UQCC1: variants seen among roughly 807,000 people sequenced by gnomAD.
The protein encoded by UQCC1 is ubiquinol-cytochrome c reductase complex assembly factor 1.
UQCC1 carries 38 observed loss-of-function variants against 48.0 expected under a neutral mutation model. The ratio of observed to expected loss-of-function variants is 0.79; its 90% CI spans 0.61 to 1.04. UQCC1 has a LOEUF of 1.04. Ranked by LOEUF, UQCC1 falls within the 50% of genes least tolerant of loss-of-function variation. The pLI is 0.00. For missense variants in UQCC1, 368 were observed against 381.8 expected, an observed-to-expected ratio of 0.96 and a Z score of 0.30; for synonymous variants, 111 against 129.2, an observed-to-expected ratio of 0.86 and a Z score of 0.95.
chr20:35,328,660 G>C (rs942292649), intron 7 of UQCC1, among the ~76,000 whole-genome samples: 3 of 152,162 alleles, frequency 2.0e-5, no homozygotes, highest in Non-Finnish European at 4.4e-5. Context: ...GCATTGGAAA[G>C]GAGGTTATAA....
chr20:35,403,218 A>G (rs112254315), intron 1 of UQCC1, among the ~76,000 whole-genome samples: 91 of 152,306 alleles, frequency 6.0e-4, no homozygotes, highest in African/African-American at 2.0e-3. Flanking sequence ...TCTATCAGAG[A>G]AAGGAGTTAA....
chr20:35,316,032 T>C (rs17092539), intron 7 of UQCC1, among the ~76,000 whole-genome samples: 6,587 of 152,188 alleles, frequency 0.043, 470 homozygotes, highest in African/African-American at 0.15. Context: ...ATGCCTTCAA[T>C]AGGGTACAAC....
At chr20:35,372,200 TACTTGG>T (rs2061741040) in intron 5 of UQCC1, among the ~76,000 whole-genome samples, 1 of 151,038 alleles carries the variant, frequency 6.6e-6, no homozygotes, top group Non-Finnish European at 1.5e-5. Context: ...TAATCCCAGC[TACTTGG>T]GAGGCTGAGG....
chr20:35,379,892 C>T (rs1568694453), intron 4 of UQCC1, among the ~76,000 whole-genome samples: 1 of 152,132 alleles, frequency 6.6e-6, no homozygotes, highest in East Asian at 1.9e-4. Flanking sequence ...AAAATGCAAA[C>T]ATTAGGGATT....
intron 7 of UQCC1, among the ~76,000 whole-genome samples, chr20:35,325,567 G>A (rs902327680): frequency 6.6e-6 from 1 of 152,178 alleles, no homozygotes; most frequent in African/African-American, 2.4e-5. Context: ...TGATAAGCAC[G>A]TATTGAGTAA....
chr20:35,374,225 G>A lies in UQCC1; in HGVS notation c.365C>T (p.Thr122Ile), dbSNP rs561245696. The A allele has an allele frequency of 5.4e-5, 87 of 1,613,102 alleles. No individual in the cohort carries two copies. The South Asian group carries it at 9.5e-4, about 18-fold the overall frequency. ...GAAGTCAGTTTTCTCCACACAGCTA[G>A]TATACATGCGCAGGGCCGCAATCTT... is the stretch of plus-strand genomic sequence containing the variant. Reference protein sequence around the residue: ...KIKIAALRMYTSCVEKTDFEE... With the variant: ...KIKIAALRMYISCVEKTDFEE... Residue 122 changes from threonine to isoleucine, a missense_variant, in exon 5 of 10, where the codon ACT becomes ATT. Transcript: ENST00000374385.
At chr20:35,338,801 C>T (rs1600900219) in intron 7 of UQCC1, among the ~76,000 whole-genome samples, 2 of 131,934 alleles carry the variant, frequency 1.5e-5, no homozygotes, top group East Asian at 2.4e-4. Flanking sequence ...GCTGAGACCA[C>T]ACCACACAAC....
chr20:35,404,383 A>C (rs1233021923), intron 1 of UQCC1, among the ~76,000 whole-genome samples: 3 of 112,238 alleles, frequency 2.7e-5, no homozygotes, highest in Non-Finnish European at 6.0e-5. Flanking sequence ...AAAAAAAAAA[A>C]AACAAAATTA....
At chr20:35,328,558 A>G (rs981336575) in intron 7 of UQCC1, among the ~76,000 whole-genome samples, 1 of 152,186 alleles carries the variant, frequency 6.6e-6, no homozygotes, top group Non-Finnish European at 1.5e-5. Context: ...GGAAACAGGC[A>G]TAGAGACCTT....
intron 8 of UQCC1, chr20:35,307,111 G>A: frequency 2.6e-6 from 1 of 390,778 alleles, no homozygotes. Flanking sequence ...AGAAACAGTA[G>A]CAGCAATGCT....
chr20:35,392,305 G>C lies in UQCC1; in HGVS notation c.129+1787C>G, dbSNP rs1377161910. The C allele has an allele frequency of 3.8e-6, 5 of 1,303,724 alleles. No individual in the cohort carries two copies. In the East Asian group the frequency reaches 2.8e-4, roughly 72 times the overall value. The allele number at this position is 1,303,724 out of a possible 1,614,324, so 80.8% of individuals were successfully genotyped here. A position where few individuals can be genotyped will look rare whatever the true frequency, so the allele number is the denominator to read the frequency against. The stretch of plus-strand genomic sequence containing the variant: ...CAAAGATAGGAAGATACTCCAGTAA[G>C]TTACAGTCGATACGACAAAAGGTCC... On this transcript the variant is annotated intron_variant, in intron 2 of 9. Coordinates refer to ENST00000374385, the MANE Select transcript of UQCC1 (RefSeq NM_018244.5).
At chr20:35,327,668 G>C (rs1422455366) in intron 7 of UQCC1, among the ~76,000 whole-genome samples, 1 of 152,192 alleles carries the variant, frequency 6.6e-6, no homozygotes, top group Non-Finnish European at 1.5e-5. Flanking sequence ...AGGTGGTCAA[G>C]GTTGAGGCCA....
chr20:35,326,432 A>G (rs914301280), intron 7 of UQCC1, among the ~76,000 whole-genome samples: 2 of 152,202 alleles, frequency 1.3e-5, no homozygotes, highest in African/African-American at 4.8e-5. Context: ...CATGCCCTTC[A>G]TGTCTCCTAT....
intron 1 of UQCC1, among the ~76,000 whole-genome samples, chr20:35,398,746 C>A (rs1886692): frequency 9.4e-6 from 1 of 106,046 alleles, no homozygotes; most frequent in African/African-American, 5.3e-5. Flanking sequence ...AGATTCAGGG[C>A]CAAAGGTGGG....
chr20:35,322,879 G>A (rs1056306229), intron 7 of UQCC1, among the ~76,000 whole-genome samples: 1 of 151,616 alleles, frequency 6.6e-6, no homozygotes, highest in East Asian at 1.9e-4. Flanking sequence ...ACGGAGTCTT[G>A]CTCTGTCACC....
rs374200132 is a variant in UQCC1, at chr20:35,303,911, G to C, written c.*24C>G. 3 of 1,614,062 alleles carry C rather than the reference G, an allele frequency of 1.9e-6. No individual in the cohort carries two copies. The highest frequency in any genetic ancestry group is 2.5e-6 in the Non-Finnish European group (3 of 1,179,958). On this transcript the variant is annotated 3_prime_UTR_variant, in exon 10 of 10. Coordinates refer to ENST00000374385, the MANE Select transcript of UQCC1 (RefSeq NM_018244.5). ...TGGAGGTTCCTCGAAGCCAGCTGGCGGGCCGTGCGGAGGGCCCAGCCCATC... is the reference window on the plus strand; with the variant it reads ...TGGAGGTTCCTCGAAGCCAGCTGGCCGGCCGTGCGGAGGGCCCAGCCCATC...
At chr20:35,321,072 G>A (rs1364582945) in intron 7 of UQCC1, among the ~76,000 whole-genome samples, 1 of 152,180 alleles carries the variant, frequency 6.6e-6, no homozygotes, top group Admixed American at 6.5e-5. Flanking sequence ...GTTCAGGTTA[G>A]AAATTAGCCC....
chr20:35,305,039 CCAAA>C (rs1031604977), intron 9 of UQCC1, among the ~76,000 whole-genome samples: 12 of 152,330 alleles, frequency 7.9e-5, no homozygotes, highest in Admixed American at 3.3e-4. Context: ...ATCGGCCACA[CCAAA>C]CAGTCTGCTC....
At chr20:35,348,195 G>A (rs1369761061) in intron 6 of UQCC1, among the ~76,000 whole-genome samples, 1 of 152,100 alleles carries the variant, frequency 6.6e-6, no homozygotes, top group African/African-American at 2.4e-5. Flanking sequence ...CCAAGTTTAG[G>A]ACCTTTTCCC....
Sources: allele counts gnomAD v4.1 joint callset (sites outside exome capture counted in the v4.1 genomes callset), GRCh38; gene constraint gnomAD v4.1.1; transcripts MANE v1.5; gene names NCBI Gene and HGNC (gene_info 2026-07-23, HGNC 2026-07-21).